The following ADAM12 variants were observed in gnomAD, a reference collection of about 807,000 sequenced individuals.
The protein encoded by ADAM12 is ADAM metallopeptidase domain 12, also known as disintegrin and metalloproteinase domain-containing protein 12.
ADAM12 carries 70 observed loss-of-function variants against 106.4 expected under a neutral mutation model. That is an observed-to-expected ratio of 0.66 (90% CI 0.54 to 0.80). The LOEUF (loss-of-function observed/expected upper bound fraction) is 0.80, where lower values mean the gene tolerates loss of function less well. Among genes scored for constraint, ADAM12 ranks in the 30% least tolerant of loss-of-function variants. The probability of loss-of-function intolerance (pLI) is 0.00; values close to 1 mark genes in which losing one functional copy is unlikely to be tolerated. For synonymous variants in ADAM12, 420 were observed against 433.5 expected, an observed-to-expected ratio of 0.97 and a Z score of 0.39; for missense variants, 1,010 against 1,171.9, an observed-to-expected ratio of 0.86 and a Z score of 2.02.
At chr10:126,292,760 T>C (rs1204599565) in intron 2 of ADAM12, among the ~76,000 whole-genome samples, 1 of 152,246 alleles carries the variant, frequency 6.6e-6, no homozygotes, top group African/African-American at 2.4e-5. Flanking sequence ...TGTGTTCCAG[T>C]CAAACTTTAT....
At chr10:126,251,775 T>C (rs1242513350) in intron 3 of ADAM12, among the ~76,000 whole-genome samples, 3 of 149,560 alleles carry the variant, frequency 2.0e-5, no homozygotes, top group Non-Finnish European at 4.4e-5. Context: ...GATGATGGGA[T>C]GAATGGATTG....
intron 3 of ADAM12, among the ~76,000 whole-genome samples, chr10:126,193,942 A>ATAAAATAAAC (rs2133808117): frequency 6.7e-6 from 1 of 149,514 alleles, no homozygotes; most frequent in South Asian, 2.1e-4. Flanking sequence ...ATAAAATAAA[A>ATAAAATAAAC]TAAACATGTG....
Position 126,049,452 on chromosome 10 carries a change from C to T in ADAM12, c.1719-1G>A. The T allele has an allele frequency of 6.2e-7, 1 of 1,614,164 alleles. No individual in the cohort carries two copies. The highest frequency in any genetic ancestry group is 8.5e-7 in the Non-Finnish European group (1 of 1,180,022). ...CTGGATTTTTCCACATTTAGCATCTCTGGAAGGGTAAGAACAAACAATTCC... is the reference window on the plus strand; with the variant it reads ...CTGGATTTTTCCACATTTAGCATCTTTGGAAGGGTAAGAACAAACAATTCC... On this transcript the variant is annotated splice_acceptor_variant, in intron 15 of 22. Coordinates refer to ENST00000448723, the MANE Select transcript of ADAM12 (RefSeq NM_001288973.2). LOFTEE classifies it high-confidence loss of function. This position sits in a 1 kb window ranked among gnomAD's most constrained non-coding sequence, Gnocchi z 4.4.
chr10:126,093,677 A>G (rs1285668677), intron 11 of ADAM12, among the ~76,000 whole-genome samples: 1 of 152,230 alleles, frequency 6.6e-6, no homozygotes, highest in Non-Finnish European at 1.5e-5. Flanking sequence ...CGTAGGCTCA[A>G]ATAAAAAACA....
intron 8 of ADAM12, among the ~76,000 whole-genome samples, chr10:126,104,556 T>C (rs1590414528): frequency 6.6e-6 from 1 of 151,950 alleles, no homozygotes; most frequent in Middle Eastern, 3.2e-3. Flanking sequence ...AACTTCCTAA[T>C]GAATAAGGAG....
At position 126,049,521 on chromosome 10, in the gene ADAM12, G is replaced by T. The variant is rs1280814651; in HGVS notation, c.1718+40C>A. On this transcript the variant is annotated intron_variant, in intron 15 of 22. Coordinates refer to ENST00000448723, the MANE Select transcript of ADAM12 (RefSeq NM_001288973.2). This position sits in a 1 kb window ranked among gnomAD's most constrained non-coding sequence, Gnocchi z 4.4. ...AACCAACCCTATGCAATGTGGGAAG[G>T]TCAGAGCAAAGACTTTGCCAGGATG... The T allele has an allele frequency of 1.2e-6, 2 of 1,613,822 alleles. No homozygotes were observed. Among genetic ancestry groups the T allele is most frequent in the South Asian group, 1.1e-5 (1 of 91,078 alleles).
intron 2 of ADAM12, among the ~76,000 whole-genome samples, chr10:126,314,029 G>A (rs11244953): frequency 0.024 from 3,620 of 151,970 alleles, 48 homozygotes; most frequent in Non-Finnish European, 0.035. Context: ...ACGGATGGAG[G>A]TCAGGAACAG....
chr10:126,170,266 T>G (rs1957095496), intron 3 of ADAM12, among the ~76,000 whole-genome samples: 1 of 152,100 alleles, frequency 6.6e-6, no homozygotes, highest in Non-Finnish European at 1.5e-5. Flanking sequence ...CAAATTTCCA[T>G]ACCATCGTGG....
chr10:126,279,879 C>A (rs1270331580), intron 2 of ADAM12, among the ~76,000 whole-genome samples: 1 of 152,224 alleles, frequency 6.6e-6, no homozygotes, highest in Non-Finnish European at 1.5e-5. Context: ...GAGACATGAT[C>A]ACCACCACAC....
chr10:126,284,217 T>C (rs1161866519), intron 2 of ADAM12, among the ~76,000 whole-genome samples: 15 of 149,306 alleles, frequency 1.0e-4, no homozygotes. Flanking sequence ...CCTGTAATCC[T>C]AGCTACTCGG....
intron 2 of ADAM12, among the ~76,000 whole-genome samples, chr10:126,288,456 G>A (rs547900880): frequency 6.6e-6 from 1 of 152,332 alleles, no homozygotes; most frequent in East Asian, 1.9e-4. Flanking sequence ...CAGACAGGGT[G>A]AGGCGGCAGC....
intron 3 of ADAM12, among the ~76,000 whole-genome samples, chr10:126,196,404 G>T (rs1434267029): frequency 6.6e-6 from 1 of 152,154 alleles, no homozygotes; most frequent in Non-Finnish European, 1.5e-5. Flanking sequence ...CATCCTGCTG[G>T]TTCCCTCATC....
intron 3 of ADAM12, among the ~76,000 whole-genome samples, chr10:126,211,509 G>A (rs368073741): frequency 4.7e-4 from 71 of 151,542 alleles, no homozygotes; most frequent in African/African-American, 1.6e-3. Flanking sequence ...CGTGATCCTC[G>A]ACCTGCCAGT....
At chr10:126,258,080 T>C (rs17154587) in intron 3 of ADAM12, among the ~76,000 whole-genome samples, 41,036 of 152,070 alleles carry the variant, frequency 0.27, 6,066 homozygotes, top group South Asian at 0.43. Context: ...CTGCTATATA[T>C]CAAGCATAGA....
intron 3 of ADAM12, among the ~76,000 whole-genome samples, chr10:126,170,849 A>G (rs1194577628): frequency 6.6e-6 from 1 of 152,188 alleles, no homozygotes; most frequent in African/African-American, 2.4e-5. Context: ...TTGATTTACT[A>G]TCTGATCAGC....
At chr10:126,254,377 G>A (rs1360729835) in intron 3 of ADAM12, among the ~76,000 whole-genome samples, 2 of 152,208 alleles carry the variant, frequency 1.3e-5, no homozygotes, top group East Asian at 3.9e-4. Flanking sequence ...CGCAAGTCAT[G>A]TGCTCCCTCT....
At chr10:126,035,714 ACT>A (rs1954047024) in intron 21 of ADAM12, among the ~76,000 whole-genome samples, 1 of 152,180 alleles carries the variant, frequency 6.6e-6, no homozygotes, top group Non-Finnish European at 1.5e-5. Flanking sequence ...GTACGGAGAC[ACT>A]CTGTATATAG....
Position 126,366,785 on chromosome 10 carries a change from AAT to A in ADAM12, c.88+21271_88+21272del, listed in dbSNP as rs1590831124. Among the ~76,000 whole-genome samples the A allele has an allele frequency of 2.6e-5, 4 of 152,284 alleles. No individual in the cohort carries two copies. In the East Asian group the frequency reaches 7.7e-4, roughly 29 times the overall value. On this transcript the variant is annotated intron_variant, in intron 1 of 22. Transcript: ENST00000448723. ...ATAGGAAAGCTGAGGTGGCCATATC[AAT>A]GTTAGTCAAAGTGGACTGTGGGACA...
At chr10:126,159,102 G>A (rs1023691556) in intron 3 of ADAM12, among the ~76,000 whole-genome samples, 9 of 152,116 alleles carry the variant, frequency 5.9e-5, no homozygotes, top group African/African-American at 1.9e-4. Flanking sequence ...GAGGTCAGGA[G>A]ATCGAGACCA....
Sources: gnomAD v4.1 joint callset for allele counts (sites outside exome capture counted in the v4.1 genomes callset) on GRCh38, gnomAD v4.1.1 for gene constraint, Gnocchi (gnomAD v3.1) non-coding constraint, MANE v1.5 for transcripts, NCBI Gene and HGNC (gene_info 2026-07-23, HGNC 2026-07-21) for gene names.